The following FAM186A variants were observed in gnomAD, a reference collection of about 807,000 sequenced individuals.
The protein encoded by FAM186A is family with sequence similarity 186 member A, also known as protein FAM186A.
FAM186A carries 163 observed loss-of-function variants against 216.8 expected under a neutral mutation model. That is an observed-to-expected ratio of 0.75 (90% CI 0.66 to 0.86). The LOEUF is 0.86. Ranked by LOEUF, FAM186A falls within the 40% of genes least tolerant of loss-of-function variation. The pLI is 0.00. For synonymous variants in FAM186A, 805 were observed against 1,025.3 expected (o/e 0.79, Z 4.10); for missense variants, 2,184 against 2,746.2 (o/e 0.80, Z 4.58).
intron 1 of FAM186A, among the ~76,000 whole-genome samples, chr12:50,373,021 A>AAGAAAGAAAG (rs1246269333): frequency 1.4e-5 from 2 of 144,618 alleles, no homozygotes; most frequent in Non-Finnish European, 3.0e-5. Flanking sequence ...GAAAGAAAGA[A>AAGAAAGAAAG]AGAAAGAAAG....
chr12:50,384,097 G>A (rs1244806080), intron 1 of FAM186A, among the ~76,000 whole-genome samples: 3 of 151,892 alleles, frequency 2.0e-5, no homozygotes, highest in African/African-American at 4.8e-5. Flanking sequence ...CAACCTGGGC[G>A]ACAAGTGAGA....
At chr12:50,344,348 T>C (rs1406150991) in intron 4 of FAM186A, among the ~76,000 whole-genome samples, 1 of 152,190 alleles carries the variant, frequency 6.6e-6, no homozygotes, top group East Asian at 1.9e-4. Flanking sequence ...TAGCTCCATT[T>C]ATAAGCAAGA....
At chr12:50,344,695 G>A (rs1317260955) in intron 4 of FAM186A, among the ~76,000 whole-genome samples, 1 of 152,220 alleles carries the variant, frequency 6.6e-6, no homozygotes, top group African/African-American at 2.4e-5. Context: ...AGCTGGGCAT[G>A]TTGTCTCAGG....
intron 4 of FAM186A, among the ~76,000 whole-genome samples, chr12:50,347,213 C>A (rs1942828960): frequency 6.6e-6 from 1 of 152,030 alleles, no homozygotes; most frequent in Admixed American, 6.6e-5. Flanking sequence ...AAAGGAACAA[C>A]AATCACCTTG....
Position 50,351,108 on chromosome 12 carries a change from C to T in FAM186A, c.5724G>A (p.Gln1908=), listed in dbSNP as rs1942873808. The T allele has an allele frequency of 1.3e-6, 2 of 1,551,418 alleles. No individual in the cohort carries two copies. Among genetic ancestry groups the T allele is most frequent in the Non-Finnish European group, 1.7e-6 (2 of 1,146,972 alleles). ...CAGGAAGGGTCCATGTTGCCAGATGCTGCCCAGGGGTAGAAGGAGCCTGCA... is the reference window on the plus strand; with the variant it reads ...CAGGAAGGGTCCATGTTGCCAGATGTTGCCCAGGGGTAGAAGGAGCCTGCA... The part of the protein sequence containing the change: ...PYLQAPSTPG[Q]HLATWTLPGR... The change falls in exon 4 of 8, where the codon CAG becomes CAA. Residue 1908 remains glutamine (Q), a synonymous_variant. Transcript: ENST00000327337.
intron 4 of FAM186A, among the ~76,000 whole-genome samples, chr12:50,337,114 T>A (rs1474795904): frequency 5.3e-5 from 8 of 151,422 alleles, no homozygotes; most frequent in Non-Finnish European, 1.0e-4. Context: ...TTAGATTTTT[T>A]AATTTTCCAA....
At chr12:50,368,878 G>A (rs1943114875) in intron 1 of FAM186A, among the ~76,000 whole-genome samples, 1 of 151,624 alleles carries the variant, frequency 6.6e-6, no homozygotes, top group Non-Finnish European at 1.5e-5. Flanking sequence ...TTAACAGTAT[G>A]TGTATAGTAT....
At chr12:50,357,603 G>C (rs536106115) in intron 3 of FAM186A, among the ~76,000 whole-genome samples, 1 of 152,152 alleles carries the variant, frequency 6.6e-6, no homozygotes, top group Admixed American at 6.6e-5. Context: ...ATAAAACAGG[G>C]CAAAACTGCC....
At chr12:50,362,503 G>A (rs541289731) in intron 2 of FAM186A, among the ~76,000 whole-genome samples, 47 of 152,024 alleles carry the variant, frequency 3.1e-4, no homozygotes, top group African/African-American at 1.1e-3. Context: ...CCAGCACTTT[G>A]GGAAGCCAAG....
chr12:50,385,826 C>A (rs896354281), intron 1 of FAM186A, among the ~76,000 whole-genome samples: 1 of 151,556 alleles, frequency 6.6e-6, no homozygotes, highest in African/African-American at 2.4e-5. Flanking sequence ...TGCTTGAACC[C>A]AGGAGGTGGA....
chr12:50,348,515 AC>A (rs1264750487), intron 4 of FAM186A, among the ~76,000 whole-genome samples: 1 of 151,090 alleles, frequency 6.6e-6, no homozygotes, highest in African/African-American at 2.4e-5. Context: ...GAGCCACTGC[AC>A]CCTGCCTATA....
chr12:50,357,699 A>G (rs1942992349), intron 3 of FAM186A, among the ~76,000 whole-genome samples: 1 of 152,196 alleles, frequency 6.6e-6, no homozygotes, highest in African/African-American at 2.4e-5. Context: ...ACCGAACCTC[A>G]GTAACAAACA....
intron 1 of FAM186A, among the ~76,000 whole-genome samples, chr12:50,377,901 A>G (rs1051523804): frequency 3.9e-5 from 6 of 151,942 alleles, no homozygotes; most frequent in African/African-American, 1.2e-4. Flanking sequence ...AAAATGTAAG[A>G]CTTCTGCAAT....
intron 4 of FAM186A, among the ~76,000 whole-genome samples, chr12:50,346,529 G>A (rs1289990992): frequency 1.3e-5 from 2 of 152,114 alleles, no homozygotes; most frequent in Non-Finnish European, 2.9e-5. Flanking sequence ...ACCCAGCCCT[G>A]TATCTGTTTT....
rs1435287360 is a variant in FAM186A at position 50,350,697 on chromosome 12, T to C, written c.6135A>G (p.Thr2045=). ...GTAGAGTAGTGAGAGAAGATGGTGATGTTGTTGGCTTCATGAGAGTGAGAA... is the reference window on the plus strand; with the variant it reads ...GTAGAGTAGTGAGAGAAGATGGTGACGTTGTTGGCTTCATGAGAGTGAGAA... ...RALLTLMKPT[T]SPSSLTTLLR... The change falls in exon 4 of 8, where the codon ACA becomes ACG. Residue 2045 remains threonine (T), a synonymous_variant. Transcript: ENST00000327337. The C allele has an allele frequency of 6.4e-7, 1 of 1,551,580 alleles. No homozygotes were observed. Among genetic ancestry groups the C allele is most frequent in the East Asian group, 2.4e-5 (1 of 40,912 alleles).
At chr12:50,330,979 T>C (rs957673432) in intron 6 of FAM186A, among the ~76,000 whole-genome samples, 6 of 152,136 alleles carry the variant, frequency 3.9e-5, no homozygotes, top group African/African-American at 1.4e-4. Context: ...TAGTAATCCA[T>C]TTTAAAACTA....
At position 50,396,581 on chromosome 12, in the gene FAM186A, T is replaced by C; in HGVS notation, c.-97A>G. 8.2e-7 allele frequency: 1 copy of C among 1,216,250 alleles called. No individual in the cohort carries two copies. Among genetic ancestry groups the C allele is most frequent in the Non-Finnish European group, 1.1e-6 (1 of 888,192 alleles). The allele number at this position is 1,216,250 out of a possible 1,614,324, so 75.3% of individuals were successfully genotyped here. ...CCAGTAGGAAGCTAGGAGAGGTCTT[T>C]CCTGATCCTAGAAGTTGTGGCATAC... On this transcript the variant is annotated 5_prime_UTR_variant, in exon 1 of 8. Coordinates refer to ENST00000327337, the MANE Select transcript of FAM186A (RefSeq NM_001145475.3).
rs114568879 is a variant in FAM186A at position 50,335,672 on chromosome 12, G to A, written c.6504-1569C>T. On this transcript the variant is annotated intron_variant, in intron 4 of 7. Coordinates refer to ENST00000327337, the MANE Select transcript of FAM186A (RefSeq NM_001145475.3). ...AAAAAAAAAAAATGACACATAGAAAGTACTTAATACAATTATGGAAAAGAC... is the reference window on the plus strand; with the variant it reads ...AAAAAAAAAAAATGACACATAGAAAATACTTAATACAATTATGGAAAAGAC... 6.5e-3 allele frequency among the ~76,000 whole-genome samples: 985 copies of A among 151,318 alleles called. 11 individuals are homozygous for A. The highest frequency in any genetic ancestry group is 0.023 in the African/African-American group (957 of 41,276).
At chr12:50,390,936 C>T (rs1943351039) in intron 1 of FAM186A, among the ~76,000 whole-genome samples, 1 of 152,106 alleles carries the variant, frequency 6.6e-6, no homozygotes, top group South Asian at 2.1e-4. Flanking sequence ...GCAATCCTTC[C>T]ACTTTGGACT....
Sources: gnomAD v4.1 joint callset for allele counts (sites outside exome capture counted in the v4.1 genomes callset) on GRCh38, gnomAD v4.1.1 for gene constraint, MANE v1.5 for transcripts, NCBI Gene and HGNC (gene_info 2026-07-23, HGNC 2026-07-21) for gene names.